Variants in ADAM29 observed in about 807,000 individuals in gnomAD.
The protein encoded by ADAM29 is ADAM metallopeptidase domain 29.
For missense variants in ADAM29, 969 were observed against 1,001.8 expected (o/e 0.97, Z 0.44); for synonymous variants, 367 against 342.3 (o/e 1.07, Z -0.80).
At chr4:174,935,564 C>T (rs909361085) in intron 3 of ADAM29, among the ~76,000 whole-genome samples, 4 of 151,990 alleles carry the variant, frequency 2.6e-5, no homozygotes, top group African/African-American at 9.7e-5. Context: ...CTTTCTGATA[C>T]AGTTGAGGCT....
rs778317154 is a variant in ADAM29 at position 174,976,606 on chromosome 4, C to A, written c.1081C>A (p.Pro361Thr). 4 of 1,607,346 alleles carry A rather than the reference C, an allele frequency of 2.5e-6. No homozygotes were observed. The highest frequency in any genetic ancestry group is 3.4e-6 in the Non-Finnish European group (4 of 1,176,864). Residue 361 changes from proline to threonine, a missense_variant, in exon 5 of 5, where the codon CCA becomes ACA. By Grantham distance (38) the Pro-to-Thr change is conservative. Coordinates refer to ENST00000359240, the MANE Select transcript of ADAM29 (RefSeq NM_014269.4). Reference protein sequence around the residue: ...QPRCIMHEGNPPITKFSNCSY... With the variant: ...QPRCIMHEGNTPITKFSNCSY... The stretch of plus-strand genomic sequence containing the variant: ...TAGATGCATAATGCATGAAGGCAAC[C>A]CACCAATAACTAAATTTAGCAATTG...
chr4:174,935,116 C>T (rs989565857), intron 3 of ADAM29, among the ~76,000 whole-genome samples: 4 of 151,898 alleles, frequency 2.6e-5, no homozygotes, highest in Admixed American at 1.3e-4. Context: ...AATTTTTTAC[C>T]GAAATACCCT....
chr4:174,922,356 C>A (rs577650253), intron 2 of ADAM29, among the ~76,000 whole-genome samples: 118 of 152,270 alleles, frequency 7.7e-4, no homozygotes, highest in African/African-American at 2.8e-3. Flanking sequence ...GAACTGAAGT[C>A]ATAGAGCAAA....
At chr4:174,973,272 G>A (rs1746573307) in intron 4 of ADAM29, among the ~76,000 whole-genome samples, 1 of 152,134 alleles carries the variant, frequency 6.6e-6, no homozygotes, top group South Asian at 2.1e-4. Flanking sequence ...TGGAGTACTG[G>A]ACACAAATCA....
intron 4 of ADAM29, among the ~76,000 whole-genome samples, chr4:174,957,483 C>A (rs1171774317): frequency 6.6e-6 from 1 of 151,758 alleles, no homozygotes; most frequent in Non-Finnish European, 1.5e-5. Flanking sequence ...CTAAAACTTA[C>A]CATTTCAGGG....
chr4:174,931,291 A>G (rs117608144), intron 3 of ADAM29, 117 bp downstream of exon 3: 1 of 152,218 alleles, frequency 6.6e-6, no homozygotes, highest in East Asian at 1.9e-4. Context: ...AGCAATGCCA[A>G]CAAGCATGAG....
At chr4:174,971,432 T>G (rs1333076884) in intron 4 of ADAM29, among the ~76,000 whole-genome samples, 2 of 152,110 alleles carry the variant, frequency 1.3e-5, no homozygotes, top group Non-Finnish European at 2.9e-5. Flanking sequence ...AGATTTTGTT[T>G]ATTTTAAGTA....
At chr4:174,933,935 A>T (rs1020884664) in intron 3 of ADAM29, among the ~76,000 whole-genome samples, 1 of 152,164 alleles carries the variant, frequency 6.6e-6, no homozygotes, top group Non-Finnish European at 1.5e-5. Flanking sequence ...TGCAATGAAC[A>T]TAGGTGTTCT....
chr4:174,951,629 A>G (rs1418022854), intron 4 of ADAM29, among the ~76,000 whole-genome samples: 4 of 152,178 alleles, frequency 2.6e-5, no homozygotes, highest in Non-Finnish European at 5.9e-5. Flanking sequence ...TACTTTATAT[A>G]TCAAGAATGC....
chr4:174,963,867 A>C (rs879856973), intron 4 of ADAM29, among the ~76,000 whole-genome samples: 1 of 152,010 alleles, frequency 6.6e-6, no homozygotes, highest in Non-Finnish European at 1.5e-5. Flanking sequence ...TTTTTAGTAG[A>C]GACGGGGTTT....
chr4:174,919,271 A>G (rs143963331), intron 1 of ADAM29, among the ~76,000 whole-genome samples: 90 of 152,280 alleles, frequency 5.9e-4, no homozygotes, highest in African/African-American at 2.2e-3. Context: ...AAAGATCATA[A>G]CCATTCAGAA....
At chr4:174,934,353 G>A (rs950947049) in intron 3 of ADAM29, among the ~76,000 whole-genome samples, 13 of 152,082 alleles carry the variant, frequency 8.5e-5, no homozygotes, top group Middle Eastern at 3.4e-3. Context: ...CATAAAGTTT[G>A]TAGTTTCTCA....
chr4:174,972,783 GC>G (rs1350775253), intron 4 of ADAM29, among the ~76,000 whole-genome samples: 3 of 152,122 alleles, frequency 2.0e-5, no homozygotes, highest in Non-Finnish European at 4.4e-5. Context: ...TCTTTGGAGA[GC>G]CCTGGAGAAA....
intron 4 of ADAM29, among the ~76,000 whole-genome samples, chr4:174,969,421 AT>A (rs1269037312): frequency 6.6e-6 from 1 of 151,938 alleles, no homozygotes; most frequent in Non-Finnish European, 1.5e-5. Context: ...CACTTAAAAA[AT>A]ATCTTTTTTT....
intron 2 of ADAM29, among the ~76,000 whole-genome samples, chr4:174,926,824 A>G (rs953623328): frequency 9.9e-5 from 15 of 151,542 alleles, no homozygotes; most frequent in Admixed American, 6.6e-5. Flanking sequence ...TTACAATGCT[A>G]TCTATATGGC....
chr4:174,932,934 A>C (rs557216988), intron 3 of ADAM29, among the ~76,000 whole-genome samples: 1 of 152,114 alleles, frequency 6.6e-6, no homozygotes, highest in Non-Finnish European at 1.5e-5. Context: ...AATCTCCCCA[A>C]ATCTCCTAGG....
At chr4:174,945,503 A>C (rs1267260539) in intron 4 of ADAM29, among the ~76,000 whole-genome samples, 2 of 152,202 alleles carry the variant, frequency 1.3e-5, no homozygotes, top group South Asian at 4.1e-4. Context: ...TTTTGTTTAC[A>C]TAGGTCCCAA....
intron 4 of ADAM29, among the ~76,000 whole-genome samples, chr4:174,958,008 A>C (rs745507172): frequency 1.3e-5 from 2 of 151,724 alleles, no homozygotes; most frequent in Non-Finnish European, 3.0e-5. Context: ...TTATAGTTTA[A>C]TTGTATTGTA....
chr4:174,936,200 G>A (rs774885320), intron 3 of ADAM29, among the ~76,000 whole-genome samples: 3 of 151,800 alleles, frequency 2.0e-5, no homozygotes, highest in Non-Finnish European at 2.9e-5. Flanking sequence ...CTTGCATTGC[G>A]GAAATTCTGT....
Sources: gnomAD v4.1 joint callset for allele counts (sites outside exome capture counted in the v4.1 genomes callset) on GRCh38, gnomAD v4.1.1 for gene constraint, MANE v1.5 for transcripts, NCBI Gene and HGNC (gene_info 2026-07-23, HGNC 2026-07-21) for gene names.